EXTL3: variants seen among roughly 807,000 people sequenced by gnomAD.
The protein encoded by EXTL3 is exostosin-like 3.
EXTL3 carries 27 observed loss-of-function variants against 69.3 expected under a neutral mutation model. That is an observed-to-expected ratio of 0.39 (90% CI 0.29 to 0.54). The LOEUF (loss-of-function observed/expected upper bound fraction) is 0.54, where lower values mean the gene tolerates loss of function less well. Among genes scored for constraint, EXTL3 ranks in the 20% least tolerant of loss-of-function variants. The probability of loss-of-function intolerance (pLI) is 0.69; values close to 1 mark genes in which losing one functional copy is unlikely to be tolerated. For missense variants in EXTL3, 1,003 were observed against 1,231.8 expected (o/e 0.81, Z 2.78); for synonymous variants, 511 against 499.4 (o/e 1.02, Z -0.31).
At chr8:28,738,078 T>G (rs1019886236) in intron 5 of EXTL3, among the ~76,000 whole-genome samples, 4 of 152,226 alleles carry the variant, frequency 2.6e-5, no homozygotes, top group African/African-American at 9.6e-5. Flanking sequence ...ACGATGAGCC[T>G]CTGTGTGGCT....
At chr8:28,724,352 TC>T (rs1049729817) in intron 3 of EXTL3, among the ~76,000 whole-genome samples, 1 of 152,208 alleles carries the variant, frequency 6.6e-6, no homozygotes, top group African/African-American at 2.4e-5. Context: ...CTGTATGACA[TC>T]CCTGTGTAAA....
intron 1 of EXTL3, among the ~76,000 whole-genome samples, chr8:28,674,060 T>C (rs1807341110): frequency 7.0e-6 from 1 of 143,648 alleles, no homozygotes; most frequent in Admixed American, 7.3e-5. Flanking sequence ...AGTAATGTTA[T>C]ATATGATACC....
chr8:28,705,117 T>TG (rs1435934966), intron 1 of EXTL3, among the ~76,000 whole-genome samples: 1 of 152,218 alleles, frequency 6.6e-6, no homozygotes, highest in African/African-American at 2.4e-5. Flanking sequence ...AAGGAGGTCT[T>TG]GGGAATGGCC....
chr8:28,738,251 T>G (rs1270256163), intron 5 of EXTL3, among the ~76,000 whole-genome samples: 1 of 152,164 alleles, frequency 6.6e-6, no homozygotes, highest in Non-Finnish European at 1.5e-5. Context: ...ACCTCTTCCA[T>G]CCTGTAAAGT....
intron 1 of EXTL3, among the ~76,000 whole-genome samples, chr8:28,659,378 AACT>A (rs1807067507): frequency 1.3e-5 from 2 of 152,200 alleles, no homozygotes; most frequent in Admixed American, 1.3e-4. Flanking sequence ...GGAGCATAAG[AACT>A]ACTACTGCCT....
At chr8:28,635,193 G>T (rs948694255) in intron 1 of EXTL3, among the ~76,000 whole-genome samples, 2 of 151,952 alleles carry the variant, frequency 1.3e-5, no homozygotes, top group Non-Finnish European at 2.9e-5. Flanking sequence ...GTTCCTGCCT[G>T]GGCTTTTTTC....
chr8:28,670,829 C>A (rs146407106), intron 1 of EXTL3, among the ~76,000 whole-genome samples: 3 of 152,322 alleles, frequency 2.0e-5, no homozygotes, highest in Non-Finnish European at 4.4e-5. Flanking sequence ...CAAGCTGACA[C>A]ATAAAATTAG....
chr8:28,626,170 TAAAAA>T (rs57290264), intron 1 of EXTL3, among the ~76,000 whole-genome samples: 39 of 138,608 alleles, frequency 2.8e-4, no homozygotes, highest in African/African-American at 1.0e-3. Flanking sequence ...AGACCCTGTC[TAAAAA>T]AAAAAAAAAA....
chr8:28,615,653 C>T (rs1806321608), intron 2 of EXTL3, among the ~76,000 whole-genome samples: 1 of 152,242 alleles, frequency 6.6e-6, no homozygotes, highest in Middle Eastern at 3.4e-3. Context: ...CTGCAACCTC[C>T]ACCTCCTGGG....
At chr8:28,665,464 G>C (rs1235141429) in intron 1 of EXTL3, among the ~76,000 whole-genome samples, 1 of 132,884 alleles carries the variant, frequency 7.5e-6, no homozygotes, top group Non-Finnish European at 1.6e-5. Context: ...CTGTCACCCT[G>C]GCTGGAGTGT....
chr8:28,684,105 G>T (rs1395898685), intron 1 of EXTL3, among the ~76,000 whole-genome samples: 1 of 152,094 alleles, frequency 6.6e-6, no homozygotes, highest in East Asian at 1.9e-4. Flanking sequence ...CAGGTGACAG[G>T]GTCTCATTTT....
chr8:28,660,838 CTTTTTTTTTTT>C (rs58151386), intron 1 of EXTL3, among the ~76,000 whole-genome samples: 4 of 46,968 alleles, frequency 8.5e-5, no homozygotes, highest in East Asian at 8.7e-4. Context: ...CGATTTTTGG[CTTTTTTTTTTT>C]TTTTTTTTTT....
At chr8:28,650,708 A>G (rs891249603) in intron 1 of EXTL3, among the ~76,000 whole-genome samples, 5 of 151,772 alleles carry the variant, frequency 3.3e-5, no homozygotes, top group African/African-American at 1.2e-4. Flanking sequence ...CTAGTTTCTT[A>G]TGTCCGTCTG....
intron 4 of EXTL3, 120 bp downstream of exon 4, chr8:28,731,470 G>T: frequency 9.7e-7 from 1 of 1,032,742 alleles, no homozygotes; most frequent in South Asian, 1.3e-5. Flanking sequence ...AGTCAGGGCT[G>T]ATGTAGGACG....
intron 1 of EXTL3, among the ~76,000 whole-genome samples, chr8:28,665,306 C>G (rs991791208): frequency 6.6e-6 from 1 of 151,796 alleles, no homozygotes; most frequent in African/African-American, 2.4e-5. Flanking sequence ...AACTCCTGAC[C>G]TCAGGTGATC....
intron 1 of EXTL3, among the ~76,000 whole-genome samples, chr8:28,642,657 A>T (rs1172619989): frequency 2.6e-5 from 4 of 152,016 alleles, no homozygotes; most frequent in Non-Finnish European, 4.4e-5. Context: ...AGTGGAACCG[A>T]TTGACCAATA....
At chr8:28,626,413 G>A (rs55882811) in intron 1 of EXTL3, among the ~76,000 whole-genome samples, 4,164 of 152,262 alleles carry the variant, frequency 0.027, 174 homozygotes, top group African/African-American at 0.087. Flanking sequence ...GTAGGAGGCA[G>A]GAAGAGCTGT....
At chr8:28,703,367 G>A (rs1479457408) in intron 1 of EXTL3, among the ~76,000 whole-genome samples, 2 of 152,174 alleles carry the variant, frequency 1.3e-5, no homozygotes, top group African/African-American at 4.8e-5. Flanking sequence ...GGCCTCAAGA[G>A]TTTTGACCTC....
At chr8:28,690,705 C>A (rs916880539) in intron 1 of EXTL3, among the ~76,000 whole-genome samples, 1 of 152,136 alleles carries the variant, frequency 6.6e-6, no homozygotes, top group Admixed American at 6.5e-5. Context: ...CTCACCTGGG[C>A]GTCTCCATAG....
Sources: gnomAD v4.1 joint callset for allele counts (sites outside exome capture counted in the v4.1 genomes callset) on GRCh38, gnomAD v4.1.1 for gene constraint, MANE v1.5 for transcripts, NCBI Gene and HGNC (gene_info 2026-07-23, HGNC 2026-07-21) for gene names.